Variants in WDR64 observed in about 807,000 individuals in gnomAD.
The protein encoded by WDR64 is WD repeat-containing protein 64.
Under a neutral mutation model 139.3 loss-of-function variants are expected in WDR64, and 112 were observed. The observed-to-expected ratio is 0.80, with a 90% CI of 0.69 to 0.94. WDR64 has a LOEUF of 0.94. Among genes scored for constraint, WDR64 ranks in the 40% least tolerant of loss-of-function variants. The pLI is 0.00. For synonymous variants in WDR64, 444 were observed against 437.7 expected (o/e 1.01, Z -0.18); for missense variants, 1,206 against 1,293.1 (o/e 0.93, Z 1.03).
intron 6 of WDR64, among the ~76,000 whole-genome samples, chr1:241,680,056 C>A (rs560955790): frequency 6.6e-6 from 1 of 152,256 alleles, no homozygotes; most frequent in South Asian, 2.1e-4. Flanking sequence ...TGGGCATTTG[C>A]AGACACTTAG....
chr1:241,692,874 C>T (rs78464956), intron 8 of WDR64, among the ~76,000 whole-genome samples: 2,581 of 152,212 alleles, frequency 0.017, 82 homozygotes, highest in African/African-American at 0.06. Flanking sequence ...CCAGTACATA[C>T]ATATTAGAGT....
At chr1:241,671,000 C>A in intron 2 of WDR64, 74 bp from the exon 3 acceptor site, 1 of 1,069,020 alleles carries the variant, frequency 9.4e-7, no homozygotes, top group Non-Finnish European at 1.3e-6. Context: ...TAAATTCAGC[C>A]AACATGAGAT....
At chr1:241,654,665 GGTATAGGCT>G (rs927829605) in intron 1 of WDR64, among the ~76,000 whole-genome samples, 1 of 150,780 alleles carries the variant, frequency 6.6e-6, no homozygotes, top group African/African-American at 2.5e-5. Flanking sequence ...CAGATATCTT[GGTATAGGCT>G]GTATAGGCTG....
At chr1:241,794,516 T>TTTG (rs1659303624) in intron 25 of WDR64, among the ~76,000 whole-genome samples, 1 of 143,704 alleles carries the variant, frequency 7.0e-6, no homozygotes, top group Non-Finnish European at 1.5e-5. Context: ...TTTTTTTTTT[T>TTTG]TTTTTTTTTT....
Position 241,790,572 on chromosome 1 carries a change from C to A in WDR64, c.2892-19C>A. ...TAAAAGGTATGGGTATGTACTTATTCTTGTATCTTTATATGCAGATGGAGA... is the reference window on the plus strand; with the variant it reads ...TAAAAGGTATGGGTATGTACTTATTATTGTATCTTTATATGCAGATGGAGA... On this transcript the variant is annotated intron_variant, in intron 24 of 27. Transcript: ENST00000437684. 3 of 1,587,846 alleles carry A rather than the reference C, an allele frequency of 1.9e-6. No homozygotes were observed. The highest frequency in any genetic ancestry group is 2.6e-6 in the Non-Finnish European group (3 of 1,163,748).
intron 7 of WDR64, 108 bp from the exon 8 acceptor site, chr1:241,687,353 T>G: frequency 1.5e-6 from 2 of 1,315,056 alleles, no homozygotes; most frequent in Non-Finnish European, 1.0e-6. Context: ...GTATTCTACA[T>G]TTGGGTTTAG....
intron 1 of WDR64, among the ~76,000 whole-genome samples, chr1:241,660,239 T>G (rs550519313): frequency 6.6e-6 from 1 of 152,268 alleles, no homozygotes; most frequent in South Asian, 2.1e-4. Flanking sequence ...GCAGTCTTAT[T>G]TTTGGGTTCT....
chr1:241,684,051 G>T (rs1666917561), intron 7 of WDR64, among the ~76,000 whole-genome samples: 1 of 152,080 alleles, frequency 6.6e-6, no homozygotes, highest in African/African-American at 2.4e-5. Flanking sequence ...CATGTGACTA[G>T]TTACTAGCAC....
intron 15 of WDR64, among the ~76,000 whole-genome samples, chr1:241,760,758 CAT>C (rs1670399099): frequency 1.5e-5 from 2 of 129,664 alleles, no homozygotes; most frequent in East Asian, 2.3e-4. Context: ...AGTGGGTTTC[CAT>C]TTTTTTTTTT....
Position 241,795,273 on chromosome 1 carries a change from C to T in WDR64, c.3064C>T (p.Leu1022=). ...AGAGGCAGGGATTGTTTTCGGCTCT[C>T]TGCCTATATACAGTGTGAGTTGGAG... ...NREAGIVFGS[L]PIYSISSPTS... The change falls in exon 26 of 28, where the codon CTG becomes TTG. Residue 1022 remains leucine (L), a synonymous_variant. Coordinates refer to ENST00000437684, the MANE Select transcript of WDR64 (RefSeq NM_001367482.1). The T allele has an allele frequency of 1.9e-6, 3 of 1,613,754 alleles. No homozygotes were observed. Among genetic ancestry groups the T allele is most frequent in the Non-Finnish European group, 2.5e-6 (3 of 1,179,834 alleles).
chr1:241,780,730 G>T (rs1658814982), intron 22 of WDR64, among the ~76,000 whole-genome samples: 1 of 152,012 alleles, frequency 6.6e-6, no homozygotes, highest in South Asian at 2.1e-4. Context: ...TTTTCTTTTT[G>T]TTTCAGAGAA....
intron 10 of WDR64, among the ~76,000 whole-genome samples, chr1:241,734,521 GATTT>G (rs144978059): frequency 2.6e-5 from 4 of 152,112 alleles, no homozygotes; most frequent in African/African-American, 4.8e-5. Context: ...TTTATTAATT[GATTT>G]ATTAAATTTA....
intron 25 of WDR64, among the ~76,000 whole-genome samples, chr1:241,792,879 T>C (rs1659249267): frequency 6.6e-6 from 1 of 152,236 alleles, no homozygotes; most frequent in South Asian, 2.1e-4. Flanking sequence ...TCCTATTAAA[T>C]GTATACCTTA....
At chr1:241,757,001 C>G (rs1302628721) in intron 14 of WDR64, among the ~76,000 whole-genome samples, 3 of 151,886 alleles carry the variant, frequency 2.0e-5, no homozygotes, top group Non-Finnish European at 4.4e-5. Flanking sequence ...CATAAAATGG[C>G]TTAAAGTCTG....
At chr1:241,756,506 C>A (rs1444226165) in intron 14 of WDR64, among the ~76,000 whole-genome samples, 1 of 152,076 alleles carries the variant, frequency 6.6e-6, no homozygotes, top group Admixed American at 6.6e-5. Context: ...CAAACAGAGA[C>A]AATTTGACTT....
chr1:241,775,311 G>T, intron 21 of WDR64, 101 bp downstream of exon 21: 1 of 824,010 alleles, frequency 1.2e-6, no homozygotes, highest in Non-Finnish European at 1.9e-6. Flanking sequence ...TGAAACAAAA[G>T]AGAGACTAAG....
chr1:241,725,837 C>T (rs1189024520), intron 10 of WDR64, among the ~76,000 whole-genome samples: 1 of 151,986 alleles, frequency 6.6e-6, no homozygotes, highest in Non-Finnish European at 1.5e-5. Flanking sequence ...AAAAAACTCT[C>T]AATTTTTTGA....
chr1:241,677,377 A>G, intron 4 of WDR64: 1 of 398,548 alleles, frequency 2.5e-6, no homozygotes, highest in Admixed American at 4.4e-5. Context: ...TGAACTCTTC[A>G]GATGAAAGAC....
intron 4 of WDR64, among the ~76,000 whole-genome samples, 155 bp downstream of exon 4, chr1:241,674,902 T>C (rs1241533487): frequency 1.4e-4 from 4 of 28,066 alleles, no homozygotes; most frequent in East Asian, 1.5e-3. Context: ...TTTATTTCCT[T>C]CCTCTTATTC....
Sources: gnomAD v4.1 joint callset for allele counts (sites outside exome capture counted in the v4.1 genomes callset) on GRCh38, gnomAD v4.1.1 for gene constraint, MANE v1.5 for transcripts, NCBI Gene and HGNC (gene_info 2026-07-23, HGNC 2026-07-21) for gene names.